Variants in ANXA8 observed in about 807,000 individuals in gnomAD.
ANXA8 encodes the protein annexin A8, also known as VAC-beta.
In ANXA8, 9 loss-of-function variants were observed where a neutral mutation model predicts 26.8. That is an observed-to-expected ratio of 0.34 (90% CI 0.20 to 0.59). The LOEUF (loss-of-function observed/expected upper bound fraction) is 0.59. ANXA8 is among the 20% of genes least tolerant of loss of function. The pLI is 0.84. For missense variants in ANXA8, 83 were observed against 238.5 expected (o/e 0.35, Z 4.29); for synonymous variants, 39 against 94.8 (o/e 0.41, Z 3.42).
chr10:47,702,487 C>T, the ANXA8 span, among the ~76,000 whole-genome samples: 5 of 151,154 alleles, frequency 3.3e-5, no homozygotes, highest in African/African-American at 9.7e-5. Flanking sequence ...ACTACAGGTA[C>T]GTGCCACCAC....
chr10:47,769,964 C>A, the ANXA8 span, among the ~76,000 whole-genome samples: 5 of 151,438 alleles, frequency 3.3e-5, no homozygotes, highest in African/African-American at 9.7e-5. Context: ...CAGGAAGCTT[C>A]TACTCATGGC....
the ANXA8 span, among the ~76,000 whole-genome samples, chr10:47,736,768 C>T: frequency 3.5e-5 from 5 of 140,916 alleles, no homozygotes; most frequent in East Asian, 1.1e-3. Flanking sequence ...GATTCTCCTG[C>T]CTCAGCCTCC....
At chr10:47,549,120 T>C in the ANXA8 span, among the ~76,000 whole-genome samples, 38 of 152,042 alleles carry the variant, frequency 2.5e-4, no homozygotes, top group African/African-American at 8.0e-4. Flanking sequence ...TTTGTATTAT[T>C]AATATGACAA....
intron 1 of ANXA8, among the ~76,000 whole-genome samples, chr10:47,483,258 TC>T (rs1311195201): frequency 4.8e-5 from 7 of 146,178 alleles, no homozygotes; most frequent in Admixed American, 4.8e-4. Flanking sequence ...ACATCATTGA[TC>T]CCTGAGGTGA....
the ANXA8 span, among the ~76,000 whole-genome samples, chr10:47,960,144 A>T: frequency 6.7e-6 from 1 of 148,734 alleles, no homozygotes; most frequent in Non-Finnish European, 1.5e-5. Flanking sequence ...TTATTGTTTT[A>T]AGCCACTAGG....
the ANXA8 span, among the ~76,000 whole-genome samples, chr10:47,584,291 G>A: frequency 5.4e-5 from 8 of 148,276 alleles, no homozygotes; most frequent in African/African-American, 1.8e-4. Context: ...GACCATGGGC[G>A]TTTCATAATG....
chr10:47,521,726 A>C, the ANXA8 span, among the ~76,000 whole-genome samples: 1 of 150,966 alleles, frequency 6.6e-6, no homozygotes, highest in African/African-American at 2.4e-5. Flanking sequence ...TCTGTTTTCT[A>C]CCGGCTCCCA....
At chr10:47,733,992 G>A in the ANXA8 span, among the ~76,000 whole-genome samples, 3 of 152,134 alleles carry the variant, frequency 2.0e-5, no homozygotes, top group Non-Finnish European at 4.4e-5. Flanking sequence ...GCAGGGTTCA[G>A]CCCAGGAAAC....
the ANXA8 span, among the ~76,000 whole-genome samples, chr10:47,506,733 A>T: frequency 1.4e-5 from 2 of 144,954 alleles, 1 homozygote; most frequent in East Asian, 5.4e-4. Context: ...TCCGCCTCCC[A>T]AGTTCAAGCG....
chr10:47,622,831 C>A, the ANXA8 span, among the ~76,000 whole-genome samples: 1 of 112,116 alleles, frequency 8.9e-6, no homozygotes, highest in Admixed American at 9.4e-5. Flanking sequence ...GACAAAATTA[C>A]GGTAGATTTC....
At chr10:47,498,228 T>C in the ANXA8 span, among the ~76,000 whole-genome samples, 1 of 150,076 alleles carries the variant, frequency 6.7e-6, no homozygotes, top group East Asian at 2.2e-4. Context: ...GTCTGGACGC[T>C]TCACATAAGT....
At chr10:47,694,706 A>G in the ANXA8 span, among the ~76,000 whole-genome samples, 1 of 151,932 alleles carries the variant, frequency 6.6e-6, no homozygotes, top group Non-Finnish European at 1.5e-5. Flanking sequence ...GGCGCGAGCC[A>G]CCGCGCCCGG....
At chr10:47,503,230 C>G in the ANXA8 span, 1 of 1,558,098 alleles carries the variant, frequency 6.4e-7, no homozygotes, top group Non-Finnish European at 8.7e-7. Flanking sequence ...TTTCTTTTTC[C>G]ATGTCTTCAG....
chr10:47,485,675 T>C (rs1840026331), upstream of ANXA8, among the ~76,000 whole-genome samples: 1 of 151,962 alleles, frequency 6.6e-6, no homozygotes, highest in African/African-American at 2.4e-5. Context: ...TTTTTTTTAA[T>C]TAAAAAATGT....
the ANXA8 span, among the ~76,000 whole-genome samples, chr10:47,530,814 T>TTTAGATAGTCA: frequency 7.7e-6 from 1 of 129,574 alleles, no homozygotes; most frequent in Non-Finnish European, 1.6e-5. Flanking sequence ...CCTAAGCAAT[T>TTTAGATAGTCA]TTAGATAGTC....
chr10:47,697,344 A>G, the ANXA8 span, among the ~76,000 whole-genome samples: 1 of 152,126 alleles, frequency 6.6e-6, no homozygotes, highest in African/African-American at 2.4e-5. Flanking sequence ...AAGATGTTGA[A>G]CCTGCACATA....
the ANXA8 span, among the ~76,000 whole-genome samples, chr10:47,552,526 A>T: frequency 6.6e-6 from 1 of 152,074 alleles, no homozygotes; most frequent in Non-Finnish European, 1.5e-5. Flanking sequence ...AAAACTTCTA[A>T]ATTACAGCTC....
the ANXA8 span, among the ~76,000 whole-genome samples, chr10:47,777,272 G>A: frequency 7.9e-5 from 12 of 151,486 alleles, no homozygotes; most frequent in South Asian, 2.1e-4. Flanking sequence ...TCCAAGCCTG[G>A]GACCTGTGGA....
At chr10:47,509,677 C>T in the ANXA8 span, among the ~76,000 whole-genome samples, 1 of 136,892 alleles carries the variant, frequency 7.3e-6, no homozygotes, top group Non-Finnish European at 1.6e-5. Flanking sequence ...GGTTGTTGTT[C>T]CTTTTAAAAT....
Sources: allele counts gnomAD v4.1 joint callset (sites outside exome capture counted in the v4.1 genomes callset), GRCh38; gene constraint gnomAD v4.1.1; transcripts MANE v1.5; gene names NCBI Gene and HGNC (gene_info 2026-07-23, HGNC 2026-07-21).